Variants in VPS13B observed in about 807,000 individuals in gnomAD.
VPS13B encodes intermembrane lipid transfer protein VPS13B.
In VPS13B, 285 loss-of-function variants were observed where a neutral mutation model predicts 426.4. That is an observed-to-expected ratio of 0.67 (90% CI 0.61 to 0.74). The LOEUF is 0.74. VPS13B is among the 30% of genes least tolerant of loss of function. VPS13B has a pLI of 0.00. For synonymous variants in VPS13B, 1,676 were observed against 1,676.4 expected (o/e 1.00, Z 0.01); for missense variants, 4,537 against 4,782.6 (o/e 0.95, Z 1.51).
At chr8:99,635,445 T>A (rs12544095) in intron 33 of VPS13B, among the ~76,000 whole-genome samples, 32,348 of 151,826 alleles carry the variant, frequency 0.21, 4,134 homozygotes, top group East Asian at 0.45. Flanking sequence ...GCTATTATAT[T>A]ACCATAATTA....
intron 31 of VPS13B, among the ~76,000 whole-genome samples, chr8:99,561,346 T>C (rs903617462): frequency 2.3e-4 from 35 of 152,314 alleles, no homozygotes; most frequent in Admixed American, 1.8e-3. Flanking sequence ...TCACTTAGCA[T>C]ACTGTTTTGT....
chr8:99,576,132 A>G (rs762120470), intron 32 of VPS13B, among the ~76,000 whole-genome samples: 6 of 152,182 alleles, frequency 3.9e-5, no homozygotes, highest in Admixed American at 1.3e-4. Flanking sequence ...AGATTGTCAT[A>G]AGGTTCAAAC....
chr8:99,107,208 A>G (rs1310321774), intron 5 of VPS13B, among the ~76,000 whole-genome samples: 2 of 152,212 alleles, frequency 1.3e-5, no homozygotes, highest in Non-Finnish European at 2.9e-5. Context: ...TTGTGAGGGT[A>G]AAAAGGCAAG....
intron 39 of VPS13B, among the ~76,000 whole-genome samples, chr8:99,743,533 C>G (rs201736078): frequency 2.6e-5 from 4 of 152,138 alleles, no homozygotes; most frequent in Admixed American, 2.0e-4. Flanking sequence ...TAAGCCAAAA[C>G]AACAAAGCTG....
At chr8:99,479,450 T>TA (rs2133551214) in intron 24 of VPS13B, among the ~76,000 whole-genome samples, 1 of 152,320 alleles carries the variant, frequency 6.6e-6, no homozygotes, top group Non-Finnish European at 1.5e-5. Flanking sequence ...TAGGGATTTT[T>TA]AAAAAATGTT....
intron 39 of VPS13B, among the ~76,000 whole-genome samples, chr8:99,747,552 G>T (rs1390469030): frequency 1.3e-5 from 2 of 151,832 alleles, no homozygotes; most frequent in Non-Finnish European, 2.9e-5. Context: ...ATGCCCTTTG[G>T]AATTGTCAGT....
intron 35 of VPS13B, among the ~76,000 whole-genome samples, chr8:99,666,794 G>A (rs1830507000): frequency 6.6e-6 from 1 of 152,070 alleles, no homozygotes; most frequent in Admixed American, 6.6e-5. Flanking sequence ...ACATAGTGTT[G>A]GAAGTTCTGG....
chr8:99,554,108 T>G (rs1253190107), intron 30 of VPS13B, among the ~76,000 whole-genome samples: 1 of 152,118 alleles, frequency 6.6e-6, no homozygotes, highest in Non-Finnish European at 1.5e-5. Context: ...ATTGTAATCT[T>G]GTTAATTATA....
intron 7 of VPS13B, among the ~76,000 whole-genome samples, chr8:99,117,703 A>G (rs1476469421): frequency 1.3e-5 from 2 of 152,242 alleles, no homozygotes; most frequent in East Asian, 3.8e-4. Flanking sequence ...AAGATAATAC[A>G]TATGATATGA....
At chr8:99,134,572 T>C in intron 8 of VPS13B, 60 bp from the exon 9 acceptor site, 1 of 1,320,846 alleles carries the variant, frequency 7.6e-7, no homozygotes, top group South Asian at 1.3e-5. Context: ...ATCATCATAA[T>C]GACAATTTAT....
rs1296622075 is a variant in VPS13B at position 99,288,469 on chromosome 8, T to C, written c.2824+13215T>C. Among the ~76,000 whole-genome samples the C allele has an allele frequency of 2.6e-5, 4 of 152,172 alleles. No homozygotes were observed. In the East Asian group the frequency reaches 7.7e-4, roughly 29 times the overall value. Reference sequence around the variant, plus strand: ...ATAGCATTCTTGCACACTTAATTCTTATATAACCTTTAATAATGAAATACA... The same window carrying C: ...ATAGCATTCTTGCACACTTAATTCTCATATAACCTTTAATAATGAAATACA... On this transcript the variant is annotated intron_variant, in intron 19 of 61. Coordinates refer to ENST00000357162, the MANE Select transcript of VPS13B (RefSeq NM_152564.5).
chr8:99,162,151 G>GT (rs912979082), intron 15 of VPS13B, among the ~76,000 whole-genome samples: 41 of 151,638 alleles, frequency 2.7e-4, no homozygotes, highest in East Asian at 2.3e-3. Flanking sequence ...GTGGTAGAGA[G>GT]TTTTTTTTTA....
At chr8:99,811,615 A>T (rs1389504683) in intron 44 of VPS13B, among the ~76,000 whole-genome samples, 1 of 152,140 alleles carries the variant, frequency 6.6e-6, no homozygotes, top group African/African-American at 2.4e-5. Flanking sequence ...AGCTCATTTT[A>T]GTGTGGCTGC....
At chr8:99,397,877 C>CT (rs1160636161) in intron 21 of VPS13B, among the ~76,000 whole-genome samples, 8 of 152,268 alleles carry the variant, frequency 5.3e-5, no homozygotes, top group African/African-American at 1.9e-4. Flanking sequence ...ATGGTCCTGT[C>CT]TAACTGCATA....
intron 30 of VPS13B, among the ~76,000 whole-genome samples, chr8:99,546,156 A>G (rs1005033056): frequency 6.6e-6 from 1 of 152,004 alleles, no homozygotes; most frequent in African/African-American, 2.4e-5. Context: ...ATTTTATAAT[A>G]TTTGTGAGTC....
chr8:99,488,444 C>A (rs977032129), intron 25 of VPS13B, among the ~76,000 whole-genome samples: 14 of 151,876 alleles, frequency 9.2e-5, no homozygotes, highest in Admixed American at 6.6e-4. Flanking sequence ...TACTTTCCTA[C>A]TCTTTGTTGT....
At position 99,543,493 on chromosome 8, in the gene VPS13B, A is replaced by G. The variant is rs867281428; in HGVS notation, c.4746-12957A>G. 2.0e-5 allele frequency among the ~76,000 whole-genome samples: 3 copies of G among 152,054 alleles called. No homozygotes were observed. The East Asian group carries it at 5.8e-4, about 29-fold the overall frequency. ...TAATTAAACTAAAGAGCTTCTGCAC[A>G]GCAAAAGAAACTACCATCAGAGTGA... On this transcript the variant is annotated intron_variant, in intron 30 of 61. Coordinates refer to ENST00000357162, the MANE Select transcript of VPS13B (RefSeq NM_152564.5).
chr8:99,337,225 A>T (rs1293994772), intron 19 of VPS13B, among the ~76,000 whole-genome samples: 1 of 152,112 alleles, frequency 6.6e-6, no homozygotes, highest in African/African-American at 2.4e-5. Context: ...GACATGGATG[A>T]AATTGGAAAT....
intron 3 of VPS13B, among the ~76,000 whole-genome samples, chr8:99,084,519 T>C (rs1482340780): frequency 6.6e-6 from 1 of 152,228 alleles, no homozygotes; most frequent in Non-Finnish European, 1.5e-5. Context: ...TTGCTCTTGC[T>C]TCTCTAGTTC....
Sources: gnomAD v4.1 joint callset for allele counts (sites outside exome capture counted in the v4.1 genomes callset) on GRCh38, gnomAD v4.1.1 for gene constraint, MANE v1.5 for transcripts, NCBI Gene and HGNC (gene_info 2026-07-23, HGNC 2026-07-21) for gene names.